TUSC3: variants seen among roughly 807,000 people sequenced by gnomAD.
TUSC3 encodes tumor suppressor candidate 3, also known as dolichyl-diphosphooligosaccharide--protein glycosyltransferase subunit TUSC3.
Under a neutral mutation model 44.8 loss-of-function variants are expected in TUSC3, and 45 were observed. The observed-to-expected ratio is 1.00, with a 90% CI of 0.79 to 1.29. TUSC3 has a LOEUF of 1.29. Among genes scored for constraint, TUSC3 ranks in the 50% most tolerant of loss-of-function variants. The probability of loss-of-function intolerance (pLI) is 0.00; values close to 1 mark genes in which losing one functional copy is unlikely to be tolerated. For missense variants in TUSC3, 519 were observed against 437.9 expected, an observed-to-expected ratio of 1.19 and a Z score of -1.65; for synonymous variants, 212 against 152.9, an observed-to-expected ratio of 1.39 and a Z score of -2.85.
intron 2 of TUSC3, among the ~76,000 whole-genome samples, chr8:15,487,041 C>T (rs1027009296): frequency 6.6e-6 from 1 of 152,180 alleles, no homozygotes; most frequent in African/African-American, 2.4e-5. Flanking sequence ...TTTATACCAG[C>T]ATATATTATT....
rs373560175 is a variant in TUSC3 at position 15,481,940 on chromosome 8, C to T, written n.92-1446C>T. On this transcript the variant is annotated intron_variant and non_coding_transcript_variant, in intron 1 of 5. Coordinates refer to the TUSC3 transcript ENST00000503191. ...ACTCTCATGAAAGACTTCTCCACAG[C>T]ATGTGATGCTATTTGATACCATTTT... 5.9e-5 allele frequency among the ~76,000 whole-genome samples: 9 copies of T among 152,268 alleles called. No individual in the cohort carries two copies. In the East Asian group the frequency reaches 9.7e-4, roughly 16 times the overall value.
At chr8:15,695,083 G>A (rs567604978) in intron 6 of TUSC3, among the ~76,000 whole-genome samples, 6 of 152,290 alleles carry the variant, frequency 3.9e-5, no homozygotes, top group South Asian at 2.1e-4. Flanking sequence ...CAGCGTTTGC[G>A]GAGAGGCCAC....
the TUSC3 span, among the ~76,000 whole-genome samples, chr8:15,849,866 G>A: frequency 6.6e-6 from 1 of 152,018 alleles, no homozygotes; most frequent in African/African-American, 2.4e-5. Flanking sequence ...CTCCAGTGCT[G>A]AGCTCCAGTG....
rs2129164512 is a variant in TUSC3, at chr8:15,623,181, A to G, written c.240A>G (p.Pro80=). ...AATTCCGAAAATTTATAAAGGCACC[A>G]CCTCGAAACTATTCCATGATTGTTA... ...GDKFRKFIKA[P]PRNYSMIVMF... Residue 80 remains proline, a synonymous_variant, in exon 2 of 11, where the codon CCA becomes CCG. Transcript: ENST00000503731. 1 of 1,613,696 alleles carries G rather than the reference A, an allele frequency of 6.2e-7. No individual in the cohort carries two copies. The highest frequency in any genetic ancestry group is 8.5e-7 in the Non-Finnish European group (1 of 1,179,786).
intron 5 of TUSC3, among the ~76,000 whole-genome samples, chr8:15,672,572 T>A (rs1338330803): frequency 2.6e-5 from 4 of 152,104 alleles, no homozygotes; most frequent in Non-Finnish European, 5.9e-5. Flanking sequence ...TCCCAAGTAT[T>A]ATGATAAAAT....
chr8:15,777,077 TC>T, the TUSC3 span, among the ~76,000 whole-genome samples: 1 of 152,190 alleles, frequency 6.6e-6, no homozygotes, highest in African/African-American at 2.4e-5. Flanking sequence ...AAGGTTCTTT[TC>T]CAGCTAGAAT....
At chr8:15,588,047 C>G (rs1013963290) in intron 1 of TUSC3, among the ~76,000 whole-genome samples, 1 of 152,084 alleles carries the variant, frequency 6.6e-6, no homozygotes, top group East Asian at 1.9e-4. Context: ...TTTTAATATA[C>G]TGACTTCCTT....
intron 2 of TUSC3, among the ~76,000 whole-genome samples, chr8:15,483,649 A>ATTTGTT (rs1800694522): frequency 1.5e-5 from 1 of 66,166 alleles, no homozygotes; most frequent in Non-Finnish European, 2.8e-5. Context: ...TAGCACTGTG[A>ATTTGTT]TTTTTTTTTT....
chr8:15,781,362 ATCT>A, the TUSC3 span, among the ~76,000 whole-genome samples: 1 of 152,164 alleles, frequency 6.6e-6, no homozygotes, highest in Admixed American at 6.5e-5. Context: ...GTATATCCTA[ATCT>A]TCTGGGGCCC....
the TUSC3 span, among the ~76,000 whole-genome samples, chr8:15,815,819 G>A: frequency 1.3e-5 from 2 of 152,124 alleles, no homozygotes; most frequent in African/African-American, 4.8e-5. Flanking sequence ...GTTTTCTAAA[G>A]GTGAGAGCTA....
intron 1 of TUSC3, among the ~76,000 whole-genome samples, chr8:15,607,735 G>A (rs1045165466): frequency 1.3e-5 from 2 of 152,106 alleles, no homozygotes; most frequent in Admixed American, 6.6e-5. Flanking sequence ...GGAGAAAAGT[G>A]TCCTTCCTTC....
At position 15,447,579 on chromosome 8, in the gene TUSC3, A is replaced by G. The variant is rs563282791; in HGVS notation, n.91+30274A>G. Among the ~76,000 whole-genome samples, 10 of 152,302 alleles carry G rather than the reference A, an allele frequency of 6.6e-5. No individual in the cohort carries two copies. In the East Asian group the frequency reaches 1.9e-3, roughly 29 times the overall value. On this transcript the variant is annotated intron_variant and non_coding_transcript_variant, in intron 1 of 5. Transcript: ENST00000503191. The stretch of plus-strand genomic sequence containing the variant: ...AAAAGCAATAAAAATGTACAAATTC[A>G]TGTTTAAAATAGATTTGACACAAAG...
At position 15,577,564 on chromosome 8, in the gene TUSC3, A is replaced by G. The variant is rs1436049319; in HGVS notation, c.138+36996A>G. 2.3e-4 allele frequency among the ~76,000 whole-genome samples: 34 copies of G among 148,610 alleles called. 1 individual carries two copies. Among genetic ancestry groups the G allele is most frequent in the Admixed American group, 1.6e-3 (24 of 14,822 alleles). ...CAGTTTTCCCAGCACCATTTATTAAATAGGGAATCCTTTCCCCATTGCTTG... is the reference window on the plus strand; with the variant it reads ...CAGTTTTCCCAGCACCATTTATTAAGTAGGGAATCCTTTCCCCATTGCTTG... On this transcript the variant is annotated intron_variant, in intron 1 of 10. Transcript: ENST00000503731.
chr8:15,802,483 G>A, the TUSC3 span, among the ~76,000 whole-genome samples: 723 of 152,088 alleles, frequency 4.8e-3, 7 homozygotes, highest in African/African-American at 0.016. Context: ...GTGCAGCGGC[G>A]TGATCCCAGC....
the TUSC3 span, among the ~76,000 whole-genome samples, chr8:15,788,847 G>A: frequency 6.6e-6 from 1 of 152,180 alleles, no homozygotes; most frequent in Non-Finnish European, 1.5e-5. Flanking sequence ...TCTTAGTAAT[G>A]AGGGCGAGGG....
chr8:15,791,396 C>A, the TUSC3 span, among the ~76,000 whole-genome samples: 1 of 152,086 alleles, frequency 6.6e-6, no homozygotes. Flanking sequence ...TTAGTAGAGG[C>A]CCTATGAGTT....
At chr8:15,426,998 G>A (rs1354557449) in intron 1 of TUSC3, among the ~76,000 whole-genome samples, 2 of 151,852 alleles carry the variant, frequency 1.3e-5, no homozygotes, top group African/African-American at 2.4e-5. Context: ...ATACCTGGTT[G>A]GCATTTGTAC....
At chr8:15,790,848 G>T in the TUSC3 span, among the ~76,000 whole-genome samples, 6 of 152,132 alleles carry the variant, frequency 3.9e-5, no homozygotes, top group South Asian at 2.1e-4. Flanking sequence ...CCATAGAGGT[G>T]ACTGGAAACA....
chr8:15,539,320 C>T (rs1801590477), upstream of TUSC3, among the ~76,000 whole-genome samples: 1 of 142,088 alleles, frequency 7.0e-6, no homozygotes, highest in South Asian at 2.4e-4. Flanking sequence ...ATCAAACGTT[C>T]AACATACAGT....
Sources: allele counts gnomAD v4.1 joint callset (sites outside exome capture counted in the v4.1 genomes callset), GRCh38; gene constraint gnomAD v4.1.1; transcripts MANE v1.5; gene names NCBI Gene and HGNC (gene_info 2026-07-23, HGNC 2026-07-21).